The following DDX60 variants were observed in gnomAD, a reference collection of about 807,000 sequenced individuals.
DDX60 encodes probable ATP-dependent RNA helicase DDX60.
Under a neutral mutation model 212.8 loss-of-function variants are expected in DDX60, and 165 were observed. The ratio of observed to expected loss-of-function variants is 0.78; its 90% CI spans 0.68 to 0.88. DDX60 has a LOEUF of 0.88. Among genes scored for constraint, DDX60 ranks in the 40% least tolerant of loss-of-function variants. The probability of loss-of-function intolerance (pLI) is 0.00; values close to 1 mark genes in which losing one functional copy is unlikely to be tolerated. For synonymous variants in DDX60, 703 were observed against 685.3 expected, an observed-to-expected ratio of 1.03 and a Z score of -0.40; for missense variants, 1,905 against 2,003.9, an observed-to-expected ratio of 0.95 and a Z score of 0.94.
intron 33 of DDX60, among the ~76,000 whole-genome samples, chr4:168,235,600 T>C (rs116758634): frequency 1.1e-3 from 162 of 152,238 alleles, no homozygotes; most frequent in Non-Finnish European, 1.9e-3. Flanking sequence ...AAATATATAC[T>C]AATTCTTTTT....
chr4:168,222,871 C>T (rs538845941), intron 35 of DDX60, among the ~76,000 whole-genome samples: 46 of 152,036 alleles, frequency 3.0e-4, no homozygotes, highest in African/African-American at 9.9e-4. Flanking sequence ...CACAACTATT[C>T]GAAACAGGAG....
intron 24 of DDX60, 26 bp downstream of exon 24, chr4:168,261,974 T>C: frequency 1.3e-6 from 2 of 1,569,638 alleles, no homozygotes; most frequent in Non-Finnish European, 1.7e-6. Flanking sequence ...AAAATAAAGT[T>C]TGGCCAAAAA....
At chr4:168,219,390 A>ATGAT (rs1254234968) in intron 37 of DDX60, among the ~76,000 whole-genome samples, 4 of 152,086 alleles carry the variant, frequency 2.6e-5, no homozygotes, top group Admixed American at 6.6e-5. Context: ...GAATGTGTGA[A>ATGAT]TGATTGATTG....
chr4:168,224,554 A>G (rs772951997), intron 34 of DDX60, among the ~76,000 whole-genome samples, 169 bp from the exon 35 acceptor site: 2 of 152,110 alleles, frequency 1.3e-5, no homozygotes, highest in Non-Finnish European at 2.9e-5. Flanking sequence ...AGCTTGGCAC[A>G]GAATACATTC....
At chr4:168,290,473 T>C (rs1736043468) in intron 8 of DDX60, among the ~76,000 whole-genome samples, 1 of 151,756 alleles carries the variant, frequency 6.6e-6, no homozygotes, top group South Asian at 2.1e-4. Flanking sequence ...GGACTACAGG[T>C]GCCTACCACC....
intron 19 of DDX60, 33 bp downstream of exon 19, chr4:168,272,010 G>C: frequency 1.4e-6 from 2 of 1,468,028 alleles, no homozygotes; most frequent in Non-Finnish European, 1.9e-6. Flanking sequence ...GTGTGCACTA[G>C]GGAATTAAGC....
chr4:168,267,775 G>A, intron 21 of DDX60, 66 bp downstream of exon 21: 1 of 1,543,022 alleles, frequency 6.5e-7, no homozygotes, highest in Non-Finnish European at 8.8e-7. Flanking sequence ...CAAGATCAAG[G>A]CAATGGCAGA....
intron 1 of DDX60, among the ~76,000 whole-genome samples, chr4:168,314,394 A>G (rs944555444): frequency 2.0e-5 from 3 of 152,114 alleles, no homozygotes; most frequent in Admixed American, 2.0e-4. Flanking sequence ...AAAATAAGAA[A>G]CCAGATGAAT....
intron 3 of DDX60, among the ~76,000 whole-genome samples, chr4:168,309,813 A>T (rs1409600450): frequency 7.9e-6 from 1 of 126,500 alleles, no homozygotes; most frequent in Non-Finnish European, 1.6e-5. Context: ...AAATGAAATT[A>T]TTCTGGAAAA....
intron 11 of DDX60, 44 bp downstream of exon 11, chr4:168,285,349 A>G (rs765367397): frequency 7.2e-6 from 8 of 1,109,436 alleles, no homozygotes; most frequent in Admixed American, 3.7e-5. Context: ...TAACTCATGT[A>G]TTCCACACAA....
intron 22 of DDX60, among the ~76,000 whole-genome samples, chr4:168,264,758 TA>T (rs1734769260): frequency 6.6e-6 from 1 of 152,192 alleles, no homozygotes; most frequent in Non-Finnish European, 1.5e-5. Context: ...TTATAGTTCT[TA>T]ATCTTTTAAA....
intron 8 of DDX60, 133 bp from the exon 9 acceptor site, chr4:168,288,448 C>T (rs1457223553): frequency 7.1e-6 from 4 of 563,106 alleles, no homozygotes; most frequent in South Asian, 2.4e-5. Context: ...CCCATTCAGG[C>T]TGGGTAATGG....
chr4:168,259,305 C>T (rs1253760556), intron 25 of DDX60, among the ~76,000 whole-genome samples: 3 of 152,090 alleles, frequency 2.0e-5, no homozygotes, highest in Non-Finnish European at 4.4e-5. Flanking sequence ...AGAAATATCC[C>T]AGAGGTACAG....
chr4:168,280,640 G>A (rs1430943341), intron 13 of DDX60, 50 bp from the exon 14 acceptor site: 1 of 1,547,300 alleles, frequency 6.5e-7, no homozygotes, highest in African/African-American at 1.4e-5. Context: ...AATATTCCAA[G>A]ATAACAGGTC....
At chr4:168,224,752 T>C (rs1314864222) in intron 34 of DDX60, among the ~76,000 whole-genome samples, 3 of 152,012 alleles carry the variant, frequency 2.0e-5, no homozygotes, top group Admixed American at 6.6e-5. Context: ...CCTGAAACCA[T>C]GCAGCCTCAA....
intron 1 of DDX60, among the ~76,000 whole-genome samples, chr4:168,317,278 A>C (rs945236706): frequency 7.9e-5 from 12 of 152,062 alleles, no homozygotes; most frequent in African/African-American, 2.9e-4. Flanking sequence ...AAATCTTACA[A>C]ACGAATAAAT....
rs748925536 is a variant in DDX60, at chr4:168,224,371, C to A, written c.4696G>T (p.Glu1566Ter). 16 of 1,611,498 alleles carry A rather than the reference C, an allele frequency of 9.9e-6. No homozygotes were observed. Among genetic ancestry groups the A allele is most frequent in the African/African-American group, 5.3e-5 (4 of 74,804 alleles). The change falls in exon 35 of 38, where the codon GAA becomes TAA. Residue 1566 changes from glutamate (E) to a stop codon, truncating the protein, a stop_gained. Coordinates refer to ENST00000393743, the MANE Select transcript of DDX60 (RefSeq NM_017631.6). LOFTEE classifies it high-confidence loss of function. ...GATACGAGTTGAGAGTCTTCACATT[C>A]TTTACCTGTGAATTCTGACAATAAT... is the stretch of plus-strand genomic sequence containing the variant. ...PLSKIKFTGK[E>*]CEDSQLVSHL...
intron 30 of DDX60, among the ~76,000 whole-genome samples, chr4:168,238,663 G>C (rs1002485028): frequency 2.0e-5 from 3 of 151,838 alleles, no homozygotes; most frequent in Non-Finnish European, 2.9e-5. Context: ...TATAGTCAGA[G>C]ATGGCAATAG....
intron 8 of DDX60, among the ~76,000 whole-genome samples, chr4:168,291,082 G>A (rs1054104702): frequency 3.9e-5 from 6 of 151,938 alleles, no homozygotes; most frequent in African/African-American, 1.5e-4. Context: ...AACCATCAAA[G>A]TCTTCTTAAT....
Sources: gnomAD v4.1 joint callset for allele counts (sites outside exome capture counted in the v4.1 genomes callset) on GRCh38, gnomAD v4.1.1 for gene constraint, MANE v1.5 for transcripts, NCBI Gene and HGNC (gene_info 2026-07-23, HGNC 2026-07-21) for gene names.